The following TTLL11 variants were observed in gnomAD, a reference collection of about 807,000 sequenced individuals.
TTLL11 encodes the protein tubulin polyglutamylase TTLL11.
Under a neutral mutation model 51.7 loss-of-function variants are expected in TTLL11, and 42 were observed. The ratio of observed to expected loss-of-function variants is 0.81; its 90% CI spans 0.64 to 1.05. The LOEUF is 1.05. Among genes scored for constraint, TTLL11 ranks in the 50% least tolerant of loss-of-function variants. TTLL11 has a pLI of 0.00. For synonymous variants in TTLL11, 381 were observed against 383.5 expected (o/e 0.99, Z 0.08); for missense variants, 799 against 940.4 (o/e 0.85, Z 1.97).
chr9:121,915,990 TACACACACACACACACACAC>T (rs59554930), intron 6 of TTLL11, among the ~76,000 whole-genome samples: 15 of 134,252 alleles, frequency 1.1e-4, no homozygotes, highest in African/African-American at 3.6e-4. Flanking sequence ...GACACACACA[TACACACACACACACACACAC>T]ACACACACAC....
rs988015300 is a variant in TTLL11, at chr9:122,092,839, T to C, written c.310A>G (p.Lys104Glu). Reference protein sequence around the residue: ...KPVQGLCPHGKPRDKGRSCKR... With the variant: ...KPVQGLCPHGEPRDKGRSCKR... ...CAGCTTCGGCCCTTGTCCCGGGGCT[T>C]CCCGTGCGGGCAGAGGCCCTGCACC... The change falls in exon 1 of 9, where the codon AAG (lysine) becomes GAG (glutamate). Residue 104 changes from lysine to glutamate, a missense_variant. Lys to Glu is a moderately conservative substitution (Grantham distance 56). This residue lies in a region of TTLL11 where 166 missense variants were observed against 161.6 expected (regional missense o/e 1.03). Coordinates refer to ENST00000321582, the MANE Select transcript of TTLL11 (RefSeq NM_001139442.2). 1.3e-6 allele frequency: 2 copies of C among 1,563,220 alleles called. No homozygotes were observed. The highest frequency in any genetic ancestry group is 1.7e-6 in the Non-Finnish European group (2 of 1,161,994).
chr9:121,966,215 A>G (rs1842393650), intron 6 of TTLL11, among the ~76,000 whole-genome samples: 1 of 152,222 alleles, frequency 6.6e-6, no homozygotes, highest in East Asian at 1.9e-4. Flanking sequence ...TGTTACATGG[A>G]AAAAGGGGCT....
chr9:121,846,058 A>C (rs1837507507), intron 8 of TTLL11, among the ~76,000 whole-genome samples: 1 of 88,584 alleles, frequency 1.1e-5, no homozygotes, highest in Admixed American at 8.9e-5. Context: ...AAAACAACAA[A>C]AAAAAGATAG....
chr9:122,006,999 A>AC lies in TTLL11; in HGVS notation c.694-17230_694-17229insG, dbSNP rs1564354202. Among the ~76,000 whole-genome samples, 108 of 147,390 alleles carry AC rather than the reference A, an allele frequency of 7.3e-4. 2 individuals are homozygous for AC. The highest frequency in any genetic ancestry group is 2.7e-3 in the African/African-American group (101 of 37,472). Reference sequence around the variant, plus strand: ...ACTCTGTCAAAAAAAAAAAAAAAAAAAAAAAAAAAACTTTTCCTTATTTTT... The same window carrying AC: ...ACTCTGTCAAAAAAAAAAAAAAAAAACAAAAAAAAAACTTTTCCTTATTTTT... On this transcript the variant is annotated intron_variant, in intron 3 of 8. Transcript: ENST00000321582.
At chr9:121,926,073 CGAG>C (rs1220310727) in intron 6 of TTLL11, among the ~76,000 whole-genome samples, 1 of 152,154 alleles carries the variant, frequency 6.6e-6, no homozygotes, top group Non-Finnish European at 1.5e-5. Flanking sequence ...TTGAGTCTCT[CGAG>C]GGGTTTTTTA....
chr9:122,082,415 T>C (rs1355443037), intron 1 of TTLL11, among the ~76,000 whole-genome samples: 1 of 151,316 alleles, frequency 6.6e-6, no homozygotes, highest in Non-Finnish European at 1.5e-5. Context: ...GGCACGAGAA[T>C]TGCTTGAACC....
intron 7 of TTLL11, among the ~76,000 whole-genome samples, chr9:121,863,792 A>C (rs1216228993): frequency 1.3e-5 from 2 of 152,158 alleles, no homozygotes; most frequent in African/African-American, 4.8e-5. Context: ...ATCCCATTTC[A>C]ATGAAGCGTA....
intron 1 of TTLL11, among the ~76,000 whole-genome samples, chr9:122,049,445 G>T (rs1290586165): frequency 1.3e-5 from 2 of 152,096 alleles, no homozygotes; most frequent in African/African-American, 2.4e-5. Flanking sequence ...CAGTTTCAAG[G>T]CCCATGCACT....
intron 3 of TTLL11, among the ~76,000 whole-genome samples, chr9:122,001,532 C>T (rs115031440): frequency 0.014 from 1,086 of 80,432 alleles, 10 homozygotes; most frequent in African/African-American, 0.048. Flanking sequence ...GAAGGGGGGG[C>T]GGGACAGGGA....
chr9:121,883,574 T>C (rs756387433), intron 6 of TTLL11, among the ~76,000 whole-genome samples: 1 of 152,208 alleles, frequency 6.6e-6, no homozygotes, highest in Non-Finnish European at 1.5e-5. Context: ...GGCATGCCTA[T>C]TAGCAGTCAG....
intron 6 of TTLL11, among the ~76,000 whole-genome samples, chr9:121,951,944 T>C (rs1285494935): frequency 6.6e-6 from 1 of 152,232 alleles, no homozygotes; most frequent in African/African-American, 2.4e-5. Context: ...TAAACTGTCA[T>C]GGCGCTGGTG....
chr9:121,850,544 G>T (rs1425981212), intron 8 of TTLL11, among the ~76,000 whole-genome samples: 1 of 152,194 alleles, frequency 6.6e-6, no homozygotes, highest in Non-Finnish European at 1.5e-5. Flanking sequence ...AGCAGTGAAG[G>T]GGGAGGAGTG....
At chr9:121,899,391 A>ATGTG in intron 6 of TTLL11, among the ~76,000 whole-genome samples, 1 of 126,646 alleles carries the variant, frequency 7.9e-6, no homozygotes, top group South Asian at 2.8e-4. Flanking sequence ...ATATATATAT[A>ATGTG]TATATATATA....
intron 4 of TTLL11, among the ~76,000 whole-genome samples, chr9:121,985,683 A>AC (rs1448966419): frequency 2.6e-5 from 4 of 151,484 alleles, no homozygotes; most frequent in Non-Finnish European, 4.4e-5. Context: ...CACCCGGCTA[A>AC]TTTTTTGTAA....
At chr9:121,966,169 G>A (rs1842392494) in intron 6 of TTLL11, among the ~76,000 whole-genome samples, 1 of 152,202 alleles carries the variant, frequency 6.6e-6, no homozygotes. Flanking sequence ...TTGTTAGGGT[G>A]ATAGGAAGTA....
intron 4 of TTLL11, among the ~76,000 whole-genome samples, chr9:121,985,996 G>A (rs1474410579): frequency 1.3e-5 from 2 of 152,348 alleles, no homozygotes; most frequent in South Asian, 2.1e-4. Context: ...GAGGCTCAGA[G>A]TGGTGAAGAA....
At chr9:122,047,887 T>A (rs1845059849) in intron 1 of TTLL11, among the ~76,000 whole-genome samples, 1 of 152,180 alleles carries the variant, frequency 6.6e-6, no homozygotes, top group South Asian at 2.1e-4. Context: ...TAACCAGGTA[T>A]CTGGCAGGTC....
chr9:121,891,903 C>CAT (rs1839248536), intron 6 of TTLL11, among the ~76,000 whole-genome samples: 2 of 150,096 alleles, frequency 1.3e-5, no homozygotes, highest in Admixed American at 6.7e-5. Flanking sequence ...CCATTATCAT[C>CAT]ATATATATAC....
intron 1 of TTLL11, among the ~76,000 whole-genome samples, chr9:122,081,267 A>T (rs1038900428): frequency 6.6e-6 from 1 of 152,246 alleles, no homozygotes; most frequent in Non-Finnish European, 1.5e-5. Context: ...CCTACAAGCC[A>T]GGAGAGCCAG....
Sources: allele counts gnomAD v4.1 joint callset (sites outside exome capture counted in the v4.1 genomes callset), GRCh38; gene constraint gnomAD v4.1.1; regional missense constraint gnomAD v4.1.1; transcripts MANE v1.5; gene names NCBI Gene and HGNC (gene_info 2026-07-23, HGNC 2026-07-21).